The following PHACTR1 variants were observed in gnomAD, a reference collection of about 807,000 sequenced individuals.
PHACTR1 encodes phosphatase and actin regulator 1.
PHACTR1 carries 16 observed loss-of-function variants against 69.2 expected under a neutral mutation model. The ratio of observed to expected loss-of-function variants is 0.23; its 90% confidence interval spans 0.16 to 0.35. The LOEUF (loss-of-function observed/expected upper bound fraction) is 0.35. PHACTR1 is among the 10% of genes least tolerant of loss of function. PHACTR1 has a pLI of 1.00. For missense variants in PHACTR1, 510 were observed against 734.7 expected (o/e 0.69, Z 3.54); for synonymous variants, 312 against 284.5 (o/e 1.10, Z -0.97).
intron 6 of PHACTR1, among the ~76,000 whole-genome samples, chr6:13,175,510 G>A (rs1219251863): frequency 6.6e-6 from 1 of 152,052 alleles, no homozygotes; most frequent in Non-Finnish European, 1.5e-5. Context: ...TTGCAGCTGC[G>A]CTTCACCCCA....
chr6:12,862,600 A>T (rs1176442388), intron 4 of PHACTR1, among the ~76,000 whole-genome samples: 1 of 152,218 alleles, frequency 6.6e-6, no homozygotes, highest in Non-Finnish European at 1.5e-5. Context: ...GCCATTAAAA[A>T]GTTCAACAGA....
intron 4 of PHACTR1, among the ~76,000 whole-genome samples, chr6:12,773,348 A>G (rs562982207): frequency 2.7e-4 from 41 of 152,288 alleles, no homozygotes; most frequent in Non-Finnish European, 4.1e-4. Context: ...ACCCTGCGTC[A>G]ACTCAATATT....
intron 4 of PHACTR1, among the ~76,000 whole-genome samples, chr6:12,762,490 T>C (rs927655812): frequency 2.6e-5 from 4 of 152,244 alleles, no homozygotes; most frequent in African/African-American, 9.6e-5. Context: ...ATTATTACAA[T>C]TGTGAAAAAT....
chr6:12,784,754 GC>G (rs888202314), intron 4 of PHACTR1, among the ~76,000 whole-genome samples: 24 of 150,848 alleles, frequency 1.6e-4, no homozygotes, highest in African/African-American at 5.1e-4. Flanking sequence ...CGCTCTTGTT[GC>G]CCAGGCAGGA....
At chr6:13,162,139 G>A (rs111650175) in intron 6 of PHACTR1, among the ~76,000 whole-genome samples, 2,945 of 151,728 alleles carry the variant, frequency 0.019, 47 homozygotes, top group South Asian at 0.084. Flanking sequence ...TCCCTCTGTC[G>A]CCCAGGCTGG....
At chr6:13,186,820 A>G (rs1762881256) in intron 7 of PHACTR1, among the ~76,000 whole-genome samples, 1 of 152,178 alleles carries the variant, frequency 6.6e-6, no homozygotes, top group Non-Finnish European at 1.5e-5. Context: ...AGTGCATTAC[A>G]TTTGTTGTGC....
At chr6:12,853,306 G>A (rs1780008770) in intron 4 of PHACTR1, among the ~76,000 whole-genome samples, 2 of 152,048 alleles carry the variant, frequency 1.3e-5, no homozygotes, top group Admixed American at 1.3e-4. Flanking sequence ...TCCTATTCAT[G>A]GACTCAGCCT....
intron 4 of PHACTR1, among the ~76,000 whole-genome samples, chr6:12,799,325 G>T (rs956313527): frequency 1.3e-5 from 2 of 152,052 alleles, no homozygotes; most frequent in Non-Finnish European, 2.9e-5. Context: ...GCTGGGCTCT[G>T]GTGTGTAATG....
chr6:13,177,466 T>TAC (rs1356005628), intron 6 of PHACTR1, among the ~76,000 whole-genome samples: 5 of 151,664 alleles, frequency 3.3e-5, no homozygotes, highest in African/African-American at 9.7e-5. Context: ...TATATATATA[T>TAC]ACATATCAGA....
chr6:12,906,077 A>G lies in PHACTR1; in HGVS notation c.251-147288A>G, dbSNP rs558911429. Among the ~76,000 whole-genome samples, 3 of 152,356 alleles carry G rather than the reference A, an allele frequency of 2.0e-5. No homozygotes were observed. The East Asian group carries it at 5.8e-4, about 29-fold the overall frequency. ...ATTTTGTGTGTCTGTCATTGTCTAT[A>G]TATGAGATAGTCAGATTCATGGAAA... On this transcript the variant is annotated intron_variant, in intron 4 of 14. Coordinates refer to ENST00000332995, the MANE Select transcript of PHACTR1 (RefSeq NM_030948.6).
At chr6:12,914,135 G>T (rs1017156516) in intron 4 of PHACTR1, among the ~76,000 whole-genome samples, 5 of 151,806 alleles carry the variant, frequency 3.3e-5, no homozygotes, top group South Asian at 4.2e-4. Context: ...AGGTAGCTGG[G>T]ATTACAAGCA....
At chr6:13,277,606 G>A (rs1342810610) in intron 11 of PHACTR1, among the ~76,000 whole-genome samples, 1 of 152,118 alleles carries the variant, frequency 6.6e-6, no homozygotes, top group Non-Finnish European at 1.5e-5. Context: ...CCAAAGAAAG[G>A]AGCCTCACAT....
At chr6:13,041,743 G>A (rs888997959) in intron 4 of PHACTR1, among the ~76,000 whole-genome samples, 3 of 152,154 alleles carry the variant, frequency 2.0e-5, no homozygotes. Context: ...TTAATGGAGG[G>A]AAAGATTTTG....
At position 12,834,630 on chromosome 6, in the gene PHACTR1, C is replaced by T. The variant is rs969838705; in HGVS notation, c.250+84840C>T. 5.9e-5 allele frequency among the ~76,000 whole-genome samples: 9 copies of T among 152,234 alleles called. No individual in the cohort carries two copies. In the East Asian group the frequency reaches 1.7e-3, roughly 29 times the overall value. ...AGATAACTATAGCAGTGGGTGGAAA[C>T]AAAAACTTGAGTAATACAAGCAAAA... On this transcript the variant is annotated intron_variant, in intron 4 of 14. Coordinates refer to ENST00000332995, the MANE Select transcript of PHACTR1 (RefSeq NM_030948.6).
intron 5 of PHACTR1, among the ~76,000 whole-genome samples, chr6:13,088,897 C>T (rs1021609701): frequency 2.0e-5 from 3 of 152,168 alleles, no homozygotes; most frequent in African/African-American, 7.2e-5. Flanking sequence ...AGCTTTGTAT[C>T]TTTTGAGCCT....
At chr6:12,751,713 T>C (rs1474269299) in intron 4 of PHACTR1, among the ~76,000 whole-genome samples, 1 of 152,236 alleles carries the variant, frequency 6.6e-6, no homozygotes, top group Non-Finnish European at 1.5e-5. Flanking sequence ...AGACAGGACT[T>C]ATCTATGTTT....
At chr6:12,767,706 G>T (rs1017209422) in intron 4 of PHACTR1, among the ~76,000 whole-genome samples, 1 of 152,160 alleles carries the variant, frequency 6.6e-6, no homozygotes, top group African/African-American at 2.4e-5. Context: ...TGCCCTCTTG[G>T]TGTGTTTTAA....
At chr6:12,752,592 A>C (rs1281852055) in intron 4 of PHACTR1, among the ~76,000 whole-genome samples, 1 of 152,200 alleles carries the variant, frequency 6.6e-6, no homozygotes, top group Non-Finnish European at 1.5e-5. Flanking sequence ...CAAGGAATAC[A>C]TATACATATA....
chr6:12,955,039 T>G (rs1175968222), intron 4 of PHACTR1, among the ~76,000 whole-genome samples: 1 of 152,142 alleles, frequency 6.6e-6, no homozygotes, highest in Non-Finnish European at 1.5e-5. Context: ...ATACATAATA[T>G]TTCATTAATT....
Sources: allele counts gnomAD v4.1 joint callset (sites outside exome capture counted in the v4.1 genomes callset), GRCh38; gene constraint gnomAD v4.1.1; transcripts MANE v1.5; gene names NCBI Gene and HGNC (gene_info 2026-07-23, HGNC 2026-07-21).